ADAMTSL4: variants seen among roughly 807,000 people sequenced by gnomAD.
ADAMTSL4 encodes ADAMTS-like protein 4.
In ADAMTSL4, 97 loss-of-function variants were observed where a neutral mutation model predicts 122.8. The ratio of observed to expected loss-of-function variants is 0.79; its 90% CI spans 0.67 to 0.93. The LOEUF (loss-of-function observed/expected upper bound fraction) is 0.93. Among genes scored for constraint, ADAMTSL4 ranks in the 40% least tolerant of loss-of-function variants. The pLI, the probability that ADAMTSL4 is intolerant of heterozygous loss-of-function variation, is 0.00. For missense variants in ADAMTSL4, 1,408 were observed against 1,453.5 expected (o/e 0.97, Z 0.51); for synonymous variants, 592 against 568.0 (o/e 1.04, Z -0.60).
At chr1:150,550,967 T>C (rs942392648) in intron 2 of ADAMTSL4, 2 of 455,998 alleles carry the variant, frequency 4.4e-6, no homozygotes, top group Admixed American at 2.4e-5. Context: ...CTCTCCCGGG[T>C]GCCTTTCAGA....
chr1:150,554,550 C>T lies in ADAMTSL4; in HGVS notation c.1234+83C>T. ...GAGGAGATACCTGCTTACTCCCAGC[C>T]CTGAATGACTTCCAGCCCCTCTGCT... On this transcript the variant is annotated intron_variant, in intron 7 of 18. Transcript: ENST00000271643. The surrounding 1 kb of genome is among the most constrained non-coding windows in gnomAD (Gnocchi z 4.0). 1 of 1,582,930 alleles carries T rather than the reference C, an allele frequency of 6.3e-7. No homozygotes were observed. Among genetic ancestry groups the T allele is most frequent in the African/African-American group, 1.4e-5 (1 of 73,954 alleles).
Position 150,553,090 on chromosome 1 carries a change from C to T in ADAMTSL4, c.271C>T (p.His91Tyr), listed in dbSNP as rs1671601370. ...GCCCCTCCCTCCCCGGCCCCCAAGA[C>T]ATCCAGAAGCCCTCCTCCCCCGGGG... Reference protein sequence around the residue: ...SLPLPPRPPRHPEALLPRGQG... With the variant: ...SLPLPPRPPRYPEALLPRGQG... Residue 91 changes from histidine (H) to tyrosine (Y), a missense_variant, in exon 5 of 19, where the codon CAT becomes TAT. Transcript: ENST00000271643. 3 of 1,613,280 alleles carry T rather than the reference C, an allele frequency of 1.9e-6. No individual in the cohort carries two copies. The highest frequency in any genetic ancestry group is 1.1e-5 in the South Asian group (1 of 91,052).
At chr1:150,557,840 C>T in intron 13 of ADAMTSL4, 105 bp from the exon 14 acceptor site, 1 of 1,464,450 alleles carries the variant, frequency 6.8e-7, no homozygotes, top group Non-Finnish European at 9.2e-7. Context: ...GCCCACTCTC[C>T]TCTGAGGCCC....
In ADAMTSL4 at chr1:150,555,789, A is replaced by C. The variant is rs183801861; in HGVS notation, c.1371+224A>C. 2.0e-5 allele frequency among the ~76,000 whole-genome samples: 3 copies of C among 152,178 alleles called. No homozygotes were observed. In the East Asian group the frequency reaches 5.8e-4, roughly 29 times the overall value. On this transcript the variant is annotated intron_variant, in intron 8 of 18. Transcript: ENST00000271643. ...TGCATATGCAGACACATGCATGCAC[A>C]TGTGCACACGTGCATGAACACATGC...
At position 150,552,710 on chromosome 1, in the gene ADAMTSL4, A is replaced by T; in HGVS notation, c.78+110A>T. 7.1e-7 allele frequency: 1 copy of T among 1,411,954 alleles called. No individual in the cohort carries two copies. Among genetic ancestry groups the T allele is most frequent in the Non-Finnish European group, 9.7e-7 (1 of 1,028,330 alleles). The allele number at this position is 1,411,954 out of a possible 1,614,324, so 87.5% of individuals were successfully genotyped here. On this transcript the variant is annotated intron_variant, in intron 4 of 18. Transcript: ENST00000271643. The surrounding 1 kb of genome is among the most constrained non-coding windows in gnomAD (Gnocchi z 4.0). Reference sequence around the variant, plus strand: ...CGCCTCCATTCCCCACAGCCCACCCACCTCCCCTGCCAACTCCCCAGTTCC... The same window carrying T: ...CGCCTCCATTCCCCACAGCCCACCCTCCTCCCCTGCCAACTCCCCAGTTCC...
Position 150,560,167 on chromosome 1 carries a change from C to A in ADAMTSL4, c.3196C>A (p.Leu1066Met). Residue 1066 changes from leucine to methionine, a missense_variant, in exon 19 of 19, where the codon CTG (leucine) becomes ATG (methionine). Physicochemically the swap from Leu to Met is conservative, Grantham distance 15. Coordinates refer to ENST00000271643, the MANE Select transcript of ADAMTSL4 (RefSeq NM_019032.6). The stretch of plus-strand genomic sequence containing the variant: ...CTGTTGCCGCTCTTGCGCACATGTC[C>A]TGGAGCGGTCTCCCCAGGATCCCTC... ...ATCCRSCAHV[L>M]ERSPQDPS 1 of 1,614,098 alleles carries A rather than the reference C, an allele frequency of 6.2e-7. No individual in the cohort carries two copies. The highest frequency in any genetic ancestry group is 1.3e-5 in the African/African-American group (1 of 75,044).
chr1:150,560,033 GTGCCCAC>G lies in ADAMTSL4; in HGVS notation c.3089-24_3089-18del. On this transcript the variant is annotated intron_variant, in intron 18 of 18. Transcript: ENST00000271643. ...ACGGGTGGGTCCTGGTGACTCTCTT[GTGCCCAC>G]TGGCCTCCTCTGTCCCCAGATGATC... The G allele has an allele frequency of 1.2e-6, 2 of 1,614,044 alleles. No homozygotes were observed. The highest frequency in any genetic ancestry group is 1.7e-6 in the Non-Finnish European group (2 of 1,180,016).
chr1:150,557,210 C>A lies in ADAMTSL4; in HGVS notation c.1922C>A (p.Thr641Asn), dbSNP rs1306157830. Residue 641 changes from threonine to asparagine, a missense_variant, in exon 12 of 19, where the codon ACC becomes AAC. Coordinates refer to ENST00000271643, the MANE Select transcript of ADAMTSL4 (RefSeq NM_019032.6). ...PAPRPARTPG[T>N]LQRQVRIPQM... is the part of the protein sequence containing the mutation. Reference sequence around the variant, plus strand: ...CCCCGCCCAGCCCGGACCCCAGGCACCCTCCAGCGTCAGGTGCGGATCCCC... The same window carrying A: ...CCCCGCCCAGCCCGGACCCCAGGCAACCTCCAGCGTCAGGTGCGGATCCCC... The A allele has an allele frequency of 1.9e-6, 3 of 1,612,200 alleles. No individual in the cohort carries two copies. The South Asian group carries it at 3.3e-5, about 18-fold the overall frequency.
At chr1:150,555,799 G>A (rs755112878) in intron 8 of ADAMTSL4, among the ~76,000 whole-genome samples, 17 of 150,908 alleles carry the variant, frequency 1.1e-4, no homozygotes, top group South Asian at 6.3e-4. Context: ...ATGTGCACAC[G>A]TGCATGAACA....
intron 2 of ADAMTSL4, chr1:150,551,002 T>C (rs1051900613): frequency 3.5e-5 from 16 of 456,054 alleles, no homozygotes; most frequent in Admixed American, 2.1e-4. Flanking sequence ...ATTTTTTTTT[T>C]CCTGGAAAGC....
rs766070053 is a variant in ADAMTSL4 at position 150,554,073 on chromosome 1, T to G, written c.1082T>G (p.Ile361Ser). The G allele has an allele frequency of 6.2e-7, 1 of 1,603,566 alleles. No homozygotes were observed. The highest frequency in any genetic ancestry group is 1.1e-5 in the South Asian group (1 of 91,088). Residue 361 changes from isoleucine to serine, a missense_variant, in exon 6 of 19, where the codon ATT (isoleucine) becomes AGT (serine). Ile to Ser is a moderately radical substitution (Grantham distance 142, BLOSUM62 -2). Transcript: ENST00000271643. This position sits in a 1 kb window ranked among gnomAD's most constrained non-coding sequence, Gnocchi z 4.0. ...AGCCTCTTTGCTCCCAGTAGCCCTA[T>G]TCCAAGATGTTCTGGGGAGAGTGAA... The part of the protein sequence containing the change: ...LWSLFAPSSP[I>S]PRCSGESEQL...
In ADAMTSL4 at chr1:150,551,891, C is replaced by CAA. The variant is rs199813152; in HGVS notation, c.-84-300_-84-299dup. 415 of 118,620 alleles carry CAA rather than the reference C, an allele frequency of 3.5e-3. 3 individuals are homozygous for CAA. Among genetic ancestry groups the CAA allele is most frequent in the African/African-American group, 0.013 (357 of 27,234 alleles). 7.3% of individuals were successfully genotyped at this position (118,620 alleles called of 1,614,324 possible). A position where few individuals can be genotyped will look rare whatever the true frequency, so the allele number is the denominator to read the frequency against. ...GGATGACAGAGTGAGATCTCCATCT[C>CAA]AAAAAAAAAAAAAAAGCCTTTTGTG... On this transcript the variant is annotated intron_variant, in intron 2 of 18. Transcript: ENST00000271643.
intron 8 of ADAMTSL4, chr1:150,555,879 GCA>G (rs960820697): frequency 2.7e-5 from 16 of 602,140 alleles, no homozygotes; most frequent in Admixed American, 5.5e-5. Flanking sequence ...ATGCACACAT[GCA>G]CACACACGTA....
Position 150,556,240 on chromosome 1 carries a change from T to C in ADAMTSL4, c.1450T>C (p.Cys484Arg), listed in dbSNP as rs771230581. The C allele has an allele frequency of 5.0e-5, 81 of 1,614,052 alleles. No homozygotes were observed. Among genetic ancestry groups the C allele is most frequent in the Non-Finnish European group, 6.5e-5 (77 of 1,180,026 alleles). Reference protein sequence around the residue: ...CGVCGGDDSTCRLVSGNLTDR... With the variant: ...CGVCGGDDSTRRLVSGNLTDR... ...AGTCTGTGGGGGTGATGATTCTACCTGTCGCCTTGTTTCGGGGAACCTCAC... is the reference window on the plus strand; with the variant it reads ...AGTCTGTGGGGGTGATGATTCTACCCGTCGCCTTGTTTCGGGGAACCTCAC... The change falls in exon 9 of 19, where the codon TGT becomes CGT. Residue 484 changes from cysteine to arginine, a missense_variant. By Grantham distance (180) the Cys-to-Arg change is radical. Transcript: ENST00000271643. This position sits in a 1 kb window ranked among gnomAD's most constrained non-coding sequence, Gnocchi z 4.1.
At chr1:150,555,021 A>C (rs1570936617) in intron 7 of ADAMTSL4, among the ~76,000 whole-genome samples, 2 of 137,466 alleles carry the variant, frequency 1.5e-5, no homozygotes, top group South Asian at 2.3e-4. Flanking sequence ...ACAGAGTCTC[A>C]CTCTGTCACC....
In ADAMTSL4 at chr1:150,560,390, G is replaced by A. The variant is rs1672652564; in HGVS notation, c.*194G>A. The A allele has an allele frequency of 1.2e-6, 1 of 807,616 alleles. No homozygotes were observed. Among genetic ancestry groups the A allele is most frequent in the Non-Finnish European group, 1.9e-6 (1 of 518,780 alleles). 50.0% of individuals were successfully genotyped at this position (807,616 alleles called of 1,614,324 possible). On this transcript the variant is annotated 3_prime_UTR_variant, in exon 19 of 19. Coordinates refer to ENST00000271643, the MANE Select transcript of ADAMTSL4 (RefSeq NM_019032.6). ...TCAGGCCCATGTGGTGGTGTGATGG[G>A]TGTGTGCACATATGCCTCAGGTGTG...
At position 150,553,430 on chromosome 1, in the gene ADAMTSL4, C is replaced by G. The variant is rs779011667; in HGVS notation, c.439C>G (p.Arg147Gly). The G allele has an allele frequency of 1.2e-6, 2 of 1,613,850 alleles. No individual in the cohort carries two copies. Among genetic ancestry groups the G allele is most frequent in the Non-Finnish European group, 1.7e-6 (2 of 1,179,932 alleles). The change falls in exon 6 of 19, where the codon CGG (arginine) becomes GGG (glycine). Residue 147 changes from arginine (R) to glycine (G), a missense_variant. Physicochemically the swap from Arg to Gly is moderately radical, Grantham distance 125. Transcript: ENST00000271643. ...TQEIRAARRS[R>G]LRDPIKPGMF... ...ACATCTGAAACACCTTCTCAGGTCC[C>G]GGCTTCGAGACCCCATCAAGCCAGG...
chr1:150,558,744 T>C, intron 15 of ADAMTSL4, 95 bp downstream of exon 15: 4 of 1,602,244 alleles, frequency 2.5e-6, no homozygotes, highest in Non-Finnish European at 3.4e-6. Flanking sequence ...CTTGTATTGA[T>C]CAAGCGCCTG....
chr1:150,554,442 G>C lies in ADAMTSL4; in HGVS notation c.1209G>C (p.Leu403=), dbSNP rs1445196847. 4 of 1,614,054 alleles carry C rather than the reference G, an allele frequency of 2.5e-6. No individual in the cohort carries two copies. Among genetic ancestry groups the C allele is most frequent in the Non-Finnish European group, 2.5e-6 (3 of 1,180,028 alleles). ...ACTCCCAGGAATTCATGGGCCAGCT[G>C]TATCAGTGGGAGCCCTTCACTGAAG... ...AFNSQEFMGQ[L]YQWEPFTEVQ... is the part of the protein sequence containing the mutation. The change falls in exon 7 of 19, where the codon CTG becomes CTC. Residue 403 remains leucine, a synonymous_variant. Coordinates refer to ENST00000271643, the MANE Select transcript of ADAMTSL4 (RefSeq NM_019032.6). This position sits in a 1 kb window ranked among gnomAD's most constrained non-coding sequence, Gnocchi z 4.0.
Sources: allele counts gnomAD v4.1 joint callset (sites outside exome capture counted in the v4.1 genomes callset), GRCh38; gene constraint gnomAD v4.1.1; non-coding constraint Gnocchi (gnomAD v3.1); transcripts MANE v1.5; gene names NCBI Gene and HGNC (gene_info 2026-07-23, HGNC 2026-07-21).